TTC13: variants seen among roughly 807,000 people sequenced by gnomAD.
TTC13 encodes tetratricopeptide repeat domain 13, also known as tetratricopeptide repeat protein 13.
In TTC13, 62 loss-of-function variants were observed where a neutral mutation model predicts 120.0. That is an observed-to-expected ratio of 0.52 (90% CI 0.42 to 0.64). The LOEUF (loss-of-function observed/expected upper bound fraction) is 0.64, where lower values mean the gene tolerates loss of function less well. Ranked by LOEUF, TTC13 falls within the 30% of genes least tolerant of loss-of-function variation. TTC13 has a pLI of 0.00. For missense variants in TTC13, 824 were observed against 1,050.2 expected (o/e 0.78, Z 2.98); for synonymous variants, 384 against 393.5 (o/e 0.98, Z 0.28).
intron 1 of TTC13, among the ~76,000 whole-genome samples, chr1:230,962,418 A>T (rs1676731071): frequency 6.6e-6 from 1 of 152,146 alleles, no homozygotes. Flanking sequence ...ACACACACAC[A>T]CTAGGATGGC....
intron 13 of TTC13, 89 bp from the exon 14 acceptor site, chr1:230,925,062 G>A: frequency 6.6e-7 from 1 of 1,514,854 alleles, no homozygotes. Context: ...TAACTCAAGA[G>A]TTAACACATA....
chr1:230,934,263 A>G (rs1411856229), intron 8 of TTC13, among the ~76,000 whole-genome samples: 2 of 152,236 alleles, frequency 1.3e-5, no homozygotes, highest in East Asian at 3.8e-4. Flanking sequence ...AATGATCATA[A>G]CTGGCAACAT....
In TTC13 at chr1:230,943,902, G is replaced by A. The variant is rs1426337097; in HGVS notation, c.580-4C>T. ...CAAGCTCAGCATTCTTAATGTCCTT[G>A]AAAAGGCATTAGCTTAGTATGAGAC... is the stretch of plus-strand genomic sequence containing the variant. On this transcript the variant is annotated splice_region_variant and splice_polypyrimidine_tract_variant and intron_variant, in intron 5 of 22. Transcript: ENST00000366661. 1.9e-6 allele frequency: 3 copies of A among 1,604,000 alleles called. No individual in the cohort carries two copies. The highest frequency in any genetic ancestry group is 1.3e-5 in the African/African-American group (1 of 74,582).
chr1:230,921,761 C>T (rs539308570), intron 15 of TTC13, among the ~76,000 whole-genome samples: 2 of 152,226 alleles, frequency 1.3e-5, no homozygotes, highest in East Asian at 3.9e-4. Flanking sequence ...AAGACAAATC[C>T]CCCAGCACTA....
intron 3 of TTC13, 139 bp from the exon 4 acceptor site, chr1:230,954,542 G>C: frequency 1.7e-6 from 1 of 584,524 alleles, no homozygotes; most frequent in Non-Finnish European, 3.0e-6. Context: ...AGTTAATAAG[G>C]TGTCACTGAA....
rs567366976 is a variant in TTC13 at position 230,969,135 on chromosome 1, G to A, written c.272-7832C>T. ...AACCTAGCCGGGTGCAGTGGCAGGC[G>A]CCTGTAGTCCCAGCTATCCGAGAGG... On this transcript the variant is annotated intron_variant, in intron 1 of 22. Coordinates refer to ENST00000366661, the MANE Select transcript of TTC13 (RefSeq NM_024525.5). Among the ~76,000 whole-genome samples, 12 of 126,430 alleles carry A rather than the reference G, an allele frequency of 9.5e-5. No individual in the cohort carries two copies. The South Asian group carries it at 1.8e-3, about 19-fold the overall frequency. 82.9% of individuals were successfully genotyped at this position (126,430 alleles called of 152,430 possible).
At chr1:230,957,275 A>G (rs760301382) in intron 3 of TTC13, among the ~76,000 whole-genome samples, 166 of 152,128 alleles carry the variant, frequency 1.1e-3, no homozygotes, top group Non-Finnish European at 1.9e-3. Flanking sequence ...GGTCTCTACA[A>G]AACAATTTTA....
chr1:230,922,045 C>T (rs983072106), intron 15 of TTC13, among the ~76,000 whole-genome samples: 1 of 152,178 alleles, frequency 6.6e-6, no homozygotes, highest in East Asian at 1.9e-4. Context: ...GCTCCCAGGA[C>T]ATCGCTCCCT....
chr1:230,977,744 G>A (rs562391836), intron 1 of TTC13, among the ~76,000 whole-genome samples: 6 of 152,262 alleles, frequency 3.9e-5, no homozygotes, highest in African/African-American at 1.4e-4. Flanking sequence ...GAGAAAGGGA[G>A]GAGATTGATG....
At chr1:230,938,830 C>CTT (rs1422940671) in intron 8 of TTC13, among the ~76,000 whole-genome samples, 1 of 152,216 alleles carries the variant, frequency 6.6e-6, no homozygotes, top group East Asian at 1.9e-4. Flanking sequence ...AGTCAAAATG[C>CTT]TTAGCACAGT....
chr1:230,973,554 T>A (rs1677970745), intron 1 of TTC13, among the ~76,000 whole-genome samples: 1 of 152,118 alleles, frequency 6.6e-6, no homozygotes, highest in Non-Finnish European at 1.5e-5. Flanking sequence ...GCTGCATCAC[T>A]CAAGAGCAGT....
At chr1:230,911,397 A>G (rs6699285) in intron 20 of TTC13, 73 bp downstream of exon 20, 165,176 of 1,162,822 alleles carry the variant, frequency 0.14, 12,332 homozygotes, top group Non-Finnish European at 0.16. Context: ...ACCTATATCC[A>G]TAACAGGAAG....
In TTC13 at chr1:230,963,671, T is replaced by TAAATAAAA. The variant is rs781569617; in HGVS notation, c.272-2369_272-2368insTTTTATTT. On this transcript the variant is annotated intron_variant, in intron 1 of 22. Transcript: ENST00000366661. ...ATAAATAAATAAATAAATAAATAAA[T>TAAATAAAA]AAAAGAAAAAAGAATGGATGGATTT... Among the ~76,000 whole-genome samples, 66 of 109,812 alleles carry TAAATAAAA rather than the reference T, an allele frequency of 6.0e-4. 1 individual carries two copies. The highest frequency in any genetic ancestry group is 7.1e-4 in the Non-Finnish European group (35 of 49,068). 72.0% of individuals were successfully genotyped at this position (109,812 alleles called of 152,430 possible).
chr1:230,919,512 T>C (rs991629090), intron 17 of TTC13, among the ~76,000 whole-genome samples: 3 of 152,224 alleles, frequency 2.0e-5, no homozygotes, highest in Admixed American at 6.5e-5. Flanking sequence ...ACACATTCAT[T>C]TTGAGGGGAA....
chr1:230,911,285 T>C, intron 20 of TTC13, 185 bp downstream of exon 20: 1 of 486,374 alleles, frequency 2.1e-6, no homozygotes, highest in East Asian at 3.5e-5. Flanking sequence ...TAGAACTGTC[T>C]TCTATAATTC....
intron 22 of TTC13, among the ~76,000 whole-genome samples, chr1:230,907,279 C>T (rs1487022251): frequency 6.6e-6 from 1 of 152,184 alleles, no homozygotes; most frequent in Admixed American, 6.5e-5. Flanking sequence ...TTTACATGTC[C>T]AGCTGTGGTG....
At chr1:230,945,570 G>T in intron 4 of TTC13, 116 bp from the exon 5 acceptor site, 2 of 891,826 alleles carry the variant, frequency 2.2e-6, no homozygotes, top group South Asian at 1.3e-5. Context: ...TTTATGCTAC[G>T]ACCACTCGTA....
At chr1:230,933,963 G>T in intron 8 of TTC13, 102 bp from the exon 9 acceptor site, 1 of 633,152 alleles carries the variant, frequency 1.6e-6, no homozygotes, top group Non-Finnish European at 2.5e-6. Context: ...GTCTCTGACA[G>T]ATTTTCTTTT....
intron 13 of TTC13, 55 bp downstream of exon 13, chr1:230,925,462 C>A: frequency 6.3e-7 from 1 of 1,595,990 alleles, no homozygotes; most frequent in Non-Finnish European, 8.6e-7. Flanking sequence ...CATGGCTTAA[C>A]CACCCTTCCT....
Sources: gnomAD v4.1 joint callset for allele counts (sites outside exome capture counted in the v4.1 genomes callset) on GRCh38, gnomAD v4.1.1 for gene constraint, MANE v1.5 for transcripts, NCBI Gene and HGNC (gene_info 2026-07-23, HGNC 2026-07-21) for gene names.